RBFOX1: variants seen among roughly 807,000 people sequenced by gnomAD.
RBFOX1 encodes the protein RNA binding protein fox-1 homolog 1.
In RBFOX1, 8 loss-of-function variants were observed where a neutral mutation model predicts 57.7. The observed-to-expected ratio is 0.14, with a 90% CI of 0.08 to 0.25. RBFOX1 has a LOEUF of 0.25. Among genes scored for constraint, RBFOX1 ranks in the 10% least tolerant of loss-of-function variants. The probability of loss-of-function intolerance (pLI) is 1.00; values close to 1 mark genes in which losing one functional copy is unlikely to be tolerated. For synonymous variants in RBFOX1, 326 were observed against 222.4 expected (o/e 1.47, Z -4.15); for missense variants, 611 against 548.5 (o/e 1.11, Z -1.14).
intron 3 of RBFOX1, among the ~76,000 whole-genome samples, chr16:6,825,662 A>G (rs578206104): frequency 4.4e-4 from 67 of 152,286 alleles, no homozygotes; most frequent in Admixed American, 2.0e-3. Flanking sequence ...TGCAGAAAGC[A>G]GGAGTCTTGG....
chr16:7,362,453 T>C (rs1389094455), intron 4 of RBFOX1, among the ~76,000 whole-genome samples: 1 of 151,802 alleles, frequency 6.6e-6, no homozygotes, highest in Non-Finnish European at 1.5e-5. Context: ...GTACGTAGTA[T>C]ATATATGTTT....
At chr16:6,578,580 T>C (rs139026232) in intron 2 of RBFOX1, among the ~76,000 whole-genome samples, 2,184 of 139,458 alleles carry the variant, frequency 0.016, 56 homozygotes, top group African/African-American at 0.058. Flanking sequence ...ATGTCGGCTA[T>C]GGGTATTGGT....
intron 1 of RBFOX1, among the ~76,000 whole-genome samples, chr16:5,458,151 T>G (rs566855838): frequency 6.6e-6 from 1 of 152,364 alleles, no homozygotes; most frequent in African/African-American, 2.4e-5. Context: ...TTAAGTGAAT[T>G]AAATATTAAT....
chr16:5,526,797 C>G (rs971246412), intron 2 of RBFOX1, among the ~76,000 whole-genome samples: 1 of 152,132 alleles, frequency 6.6e-6, no homozygotes. Flanking sequence ...GTGTCCATAA[C>G]GTGTTTGTAG....
At chr16:5,278,781 G>A (rs1596374470) in intron 1 of RBFOX1, among the ~76,000 whole-genome samples, 1 of 152,270 alleles carries the variant, frequency 6.6e-6, no homozygotes, top group Admixed American at 6.5e-5. Flanking sequence ...TGAGAGATAA[G>A]GGTCTAGTTT....
intron 2 of RBFOX1, among the ~76,000 whole-genome samples, chr16:5,565,691 C>T (rs983875231): frequency 6.6e-6 from 1 of 151,812 alleles, no homozygotes. Context: ...CGTTTTCCCT[C>T]TTTTATGATA....
intron 12 of RBFOX1, among the ~76,000 whole-genome samples, chr16:7,661,691 G>T (rs911750886): frequency 2.0e-5 from 3 of 152,166 alleles, no homozygotes; most frequent in Non-Finnish European, 1.5e-5. Context: ...TTCTTCTTCG[G>T]TCTTCATGCC....
At chr16:7,207,857 G>T (rs1205181669) in intron 4 of RBFOX1, among the ~76,000 whole-genome samples, 11 of 152,122 alleles carry the variant, frequency 7.2e-5, no homozygotes, top group Non-Finnish European at 1.3e-4. Flanking sequence ...CTTTATTCAG[G>T]AGAGAGAGCT....
At chr16:7,053,539 C>A (rs1331826824) in intron 4 of RBFOX1, among the ~76,000 whole-genome samples, 1 of 152,144 alleles carries the variant, frequency 6.6e-6, no homozygotes, top group East Asian at 1.9e-4. Flanking sequence ...CTCCAGGAGT[C>A]CCTGATAAAT....
intron 4 of RBFOX1, among the ~76,000 whole-genome samples, chr16:5,923,365 C>A (rs2058868617): frequency 6.6e-6 from 1 of 152,000 alleles, no homozygotes; most frequent in African/African-American, 2.4e-5. Context: ...CTCACTGAGT[C>A]AGAGGGATGC....
chr16:6,362,184 C>A (rs553089253), intron 2 of RBFOX1, among the ~76,000 whole-genome samples: 16 of 152,134 alleles, frequency 1.1e-4, no homozygotes, highest in Middle Eastern at 3.4e-3. Flanking sequence ...CCACGCCCCC[C>A]CAAAAAACAA....
chr16:7,294,524 G>GA (rs35719031), intron 4 of RBFOX1, among the ~76,000 whole-genome samples: 1,345 of 123,812 alleles, frequency 0.011, 16 homozygotes, highest in African/African-American at 0.024. Context: ...GTGTTGGCAA[G>GA]AAAAAAAAAA....
At chr16:7,700,538 T>C (rs550874617) in intron 14 of RBFOX1, among the ~76,000 whole-genome samples, 5 of 152,288 alleles carry the variant, frequency 3.3e-5, no homozygotes, top group Admixed American at 3.3e-4. Context: ...TGGGGTAAAG[T>C]ATAGCTGGGG....
At chr16:6,428,285 CAA>C (rs755273285) in intron 2 of RBFOX1, among the ~76,000 whole-genome samples, 15 of 51,216 alleles carry the variant, frequency 2.9e-4, no homozygotes, top group Non-Finnish European at 4.4e-4. Flanking sequence ...GACCTTGTCT[CAA>C]AAAAAAAAAA....
At chr16:5,300,637 C>G (rs536056666) in intron 1 of RBFOX1, among the ~76,000 whole-genome samples, 1 of 152,196 alleles carries the variant, frequency 6.6e-6, no homozygotes, top group African/African-American at 2.4e-5. Flanking sequence ...TGGGACTCGG[C>G]TTTTGTTTGT....
In RBFOX1 at chr16:5,947,533, G is replaced by C. The variant is rs868315776; in HGVS notation, c.351+80198G>C. On this transcript the variant is annotated intron_variant, in intron 4 of 19. Transcript: ENST00000641259. This position sits in a 1 kb window ranked among gnomAD's most constrained non-coding sequence, Gnocchi z 7.2. ...GACAGGGGTCTCTGTATGTTGCCTA[G>C]GCTGGTGTCAGACTCCTAGCCCCAA... Among the ~76,000 whole-genome samples, 6 of 152,108 alleles carry C rather than the reference G, an allele frequency of 3.9e-5. No individual in the cohort carries two copies. The highest frequency in any genetic ancestry group is 8.8e-5 in the Non-Finnish European group (6 of 68,010).
intron 11 of RBFOX1, among the ~76,000 whole-genome samples, chr16:7,634,684 C>T (rs1039232789): frequency 2.0e-5 from 3 of 152,138 alleles, no homozygotes; most frequent in African/African-American, 7.2e-5. Flanking sequence ...ATTCCGTAGA[C>T]TCTTCCATCG....
intron 1 of RBFOX1, among the ~76,000 whole-genome samples, chr16:5,261,738 C>T (rs1279714125): frequency 6.6e-6 from 1 of 151,908 alleles, no homozygotes; most frequent in African/African-American, 2.4e-5. Context: ...TTTTGGTAGA[C>T]ACGGGGTTTC....
chr16:7,518,741 G>A (rs939105008), intron 5 of RBFOX1, among the ~76,000 whole-genome samples: 7 of 152,146 alleles, frequency 4.6e-5, no homozygotes, highest in African/African-American at 1.7e-4. Flanking sequence ...GTCTTACGGA[G>A]GCTGGGTGTG....
Sources: allele counts gnomAD v4.1 joint callset (sites outside exome capture counted in the v4.1 genomes callset), GRCh38; gene constraint gnomAD v4.1.1; non-coding constraint Gnocchi (gnomAD v3.1); transcripts MANE v1.5; gene names NCBI Gene and HGNC (gene_info 2026-07-23, HGNC 2026-07-21).